Variants in ZNF827 observed in about 807,000 individuals in gnomAD.
The protein encoded by ZNF827 is zinc finger protein 827.
A neutral mutation model predicts 102.4 loss-of-function variants in ZNF827; 13 were observed. That is an observed-to-expected ratio of 0.13 (90% CI 0.08 to 0.20). The LOEUF is 0.20. Ranked by LOEUF, ZNF827 falls within the 10% of genes least tolerant of loss-of-function variation. The pLI is 1.00. For missense variants in ZNF827, 1,103 were observed against 1,344.4 expected, an observed-to-expected ratio of 0.82 and a Z score of 2.81; for synonymous variants, 523 against 536.2, an observed-to-expected ratio of 0.98 and a Z score of 0.34.
intron 8 of ZNF827, among the ~76,000 whole-genome samples, chr4:145,820,822 ATTTCT>A (rs1460841579): frequency 6.6e-6 from 1 of 152,112 alleles, no homozygotes; most frequent in Non-Finnish European, 1.5e-5. Flanking sequence ...TCTTTCAAAA[ATTTCT>A]TTTCATTTTT....
chr4:145,889,892 G>A (rs1196867470), intron 3 of ZNF827, among the ~76,000 whole-genome samples: 4 of 151,732 alleles, frequency 2.6e-5, no homozygotes, highest in South Asian at 2.1e-4. Context: ...CAGGAGAATC[G>A]CTTAGAGCCC....
intron 11 of ZNF827, chr4:145,770,977 T>C (rs1045057396): frequency 5.9e-5 from 9 of 152,234 alleles, no homozygotes; most frequent in Admixed American, 2.6e-4. Context: ...AATGTTCTCC[T>C]AACTTAACAG....
At chr4:145,830,532 A>T (rs555950656) in intron 7 of ZNF827, 15 of 152,154 alleles carry the variant, frequency 9.9e-5, no homozygotes, top group Non-Finnish European at 2.2e-4. Flanking sequence ...TTTTCAACTT[A>T]ATTTTCATGA....
intron 1 of ZNF827, among the ~76,000 whole-genome samples, chr4:145,910,921 G>A (rs1254243522): frequency 6.6e-6 from 1 of 152,140 alleles, no homozygotes; most frequent in Non-Finnish European, 1.5e-5. Flanking sequence ...AAGCTCCGAG[G>A]GAGGACTTTA....
chr4:145,902,026 A>G lies in ZNF827; in HGVS notation c.1093+140T>C. ...TGAAAGACTACTATGCTGCTTACTT[A>G]AAGTATTTTTGTTGTGCTCTTGCTT... On this transcript the variant is annotated intron_variant, in intron 2 of 14. Transcript: ENST00000508784. This position sits in a 1 kb window ranked among gnomAD's most constrained non-coding sequence, Gnocchi z 4.3. 1.9e-6 allele frequency: 2 copies of G among 1,058,504 alleles called. No homozygotes were observed. The highest frequency in any genetic ancestry group is 1.9e-5 in the South Asian group (1 of 53,400). The allele number at this position is 1,058,504 out of a possible 1,614,324, so 65.6% of individuals were successfully genotyped here.
intron 1 of ZNF827, among the ~76,000 whole-genome samples, chr4:145,911,235 C>T (rs1040156760): frequency 6.6e-6 from 1 of 152,210 alleles, no homozygotes; most frequent in African/African-American, 2.4e-5. Flanking sequence ...GCCGCCCCCT[C>T]TAAGAAGCCC....
chr4:145,900,818 C>T (rs1160329028), intron 2 of ZNF827, among the ~76,000 whole-genome samples: 1 of 152,162 alleles, frequency 6.6e-6, no homozygotes, highest in Non-Finnish European at 1.5e-5. Flanking sequence ...CCCCAGCCTC[C>T]TTTGCTCTTC....
At chr4:145,826,338 G>C in intron 7 of ZNF827, among the ~76,000 whole-genome samples, 1 of 152,204 alleles carries the variant, frequency 6.6e-6, no homozygotes, top group East Asian at 1.9e-4. Context: ...TCAGTACATA[G>C]TACATGCTCA....
At chr4:145,911,775 C>G (rs1169148763) in intron 1 of ZNF827, among the ~76,000 whole-genome samples, 1 of 152,162 alleles carries the variant, frequency 6.6e-6, no homozygotes, top group Non-Finnish European at 1.5e-5. Flanking sequence ...ACTACTAAAT[C>G]ATGGTACTTT....
chr4:145,766,653 C>CT (rs1735348575), intron 11 of ZNF827, among the ~76,000 whole-genome samples: 1 of 152,056 alleles, frequency 6.6e-6, no homozygotes, highest in Non-Finnish European at 1.5e-5. Context: ...GAGGGTCCCC[C>CT]TTGAGTATTC....
rs554862837 is a variant in ZNF827 at position 145,913,747 on chromosome 4, G to A, written c.44-10532C>T. On this transcript the variant is annotated intron_variant, in intron 1 of 14. Transcript: ENST00000508784. ...GTAAATTTACCATGGCTACCACATC[G>A]TTATCAGAAAAATTGTCTGCTAAGG... Among the ~76,000 whole-genome samples, 43 of 152,166 alleles carry A rather than the reference G, an allele frequency of 2.8e-4. No individual in the cohort carries two copies. In the South Asian group the frequency reaches 8.7e-3, roughly 31 times the overall value.
Position 145,793,725 on chromosome 4 carries a change from A to G in ZNF827, c.2384-14214T>C, listed in dbSNP as rs1390630423. ...GTTGACACTCAGTATTAACCATCAC[A>G]CTTTCCTACCCCATAACAGAAAGCT... On this transcript the variant is annotated intron_variant, in intron 8 of 14. Transcript: ENST00000508784. 2.0e-5 allele frequency among the ~76,000 whole-genome samples: 3 copies of G among 152,058 alleles called. No individual in the cohort carries two copies. In the East Asian group the frequency reaches 5.8e-4, roughly 29 times the overall value.
chr4:145,814,713 CAGG>C (rs1233998902), intron 8 of ZNF827, among the ~76,000 whole-genome samples: 1 of 145,124 alleles, frequency 6.9e-6, no homozygotes, highest in African/African-American at 2.6e-5. Context: ...CACCTGAAGT[CAGG>C]AGTTCAAGAC....
At chr4:145,778,144 T>C (rs1452937984) in intron 9 of ZNF827, among the ~76,000 whole-genome samples, 2 of 152,182 alleles carry the variant, frequency 1.3e-5, no homozygotes, top group Non-Finnish European at 2.9e-5. Flanking sequence ...ACTTTTTGTT[T>C]TTTTTTGAGA....
rs554144454 is a variant in ZNF827 at position 145,881,247 on chromosome 4, A to G, written c.1747+4431T>C. 2.0e-5 allele frequency among the ~76,000 whole-genome samples: 3 copies of G among 152,358 alleles called. No individual in the cohort carries two copies. The East Asian group carries it at 5.8e-4, about 29-fold the overall frequency. ...ATAAGTCAGAAACAGTTTAGCTTAT[A>G]TCCATTTGTTCATAAACTGTCTCTG... On this transcript the variant is annotated intron_variant, in intron 4 of 14. Transcript: ENST00000508784.
At position 145,902,653 on chromosome 4, in the gene ZNF827, G is replaced by A; in HGVS notation, c.606C>T (p.Thr202=). The change falls in exon 2 of 15, where the codon ACC becomes ACT. Residue 202 remains threonine (T), a synonymous_variant. Transcript: ENST00000508784. This position sits in a 1 kb window ranked among gnomAD's most constrained non-coding sequence, Gnocchi z 4.3. ...NQGKWLPNST[T]TCSLSPDSAI... ...CTGAATCCGGAGACAAGCTGCAGGT[G>A]GTGGTTGAGTTTGGCAACCACTTAC... 1 of 1,614,016 alleles carries A rather than the reference G, an allele frequency of 6.2e-7. No homozygotes were observed. The highest frequency in any genetic ancestry group is 8.5e-7 in the Non-Finnish European group (1 of 1,180,044).
intron 2 of ZNF827, among the ~76,000 whole-genome samples, chr4:145,895,493 A>G (rs113600247): frequency 6.6e-5 from 10 of 152,342 alleles, no homozygotes; most frequent in African/African-American, 1.9e-4. Context: ...AGAACACACA[A>G]TGAAGAGAAA....
intron 8 of ZNF827, among the ~76,000 whole-genome samples, chr4:145,790,218 C>A (rs1352264569): frequency 1.3e-5 from 2 of 152,052 alleles, no homozygotes; most frequent in African/African-American, 4.8e-5. Context: ...TATGAGAACA[C>A]CTTGAGGAAA....
chr4:145,872,009 C>A (rs184083855), intron 4 of ZNF827, among the ~76,000 whole-genome samples: 1 of 152,158 alleles, frequency 6.6e-6, no homozygotes, highest in Non-Finnish European at 1.5e-5. Context: ...ACCTTCCAAT[C>A]GGCTCAAATA....
Sources: allele counts gnomAD v4.1 joint callset (sites outside exome capture counted in the v4.1 genomes callset), GRCh38; gene constraint gnomAD v4.1.1; non-coding constraint Gnocchi (gnomAD v3.1); transcripts MANE v1.5; gene names NCBI Gene and HGNC (gene_info 2026-07-23, HGNC 2026-07-21).